Variants in SASH1 observed in about 807,000 individuals in gnomAD.
SASH1 encodes the protein SAM and SH3 domain-containing protein 1.
A neutral mutation model predicts 125.2 loss-of-function variants in SASH1; 44 were observed. The observed-to-expected ratio is 0.35, with a 90% CI of 0.28 to 0.45. The LOEUF is 0.45. SASH1 is among the 20% of genes least tolerant of loss of function. SASH1 has a pLI of 1.00. For synonymous variants in SASH1, 639 were observed against 649.1 expected (o/e 0.98, Z 0.24); for missense variants, 1,426 against 1,614.5 (o/e 0.88, Z 2.00).
the SASH1 span, among the ~76,000 whole-genome samples, chr6:148,246,834 G>A: frequency 2.4e-3 from 362 of 152,264 alleles, 1 homozygote; most frequent in African/African-American, 8.1e-3. Context: ...CGAGTTTACT[G>A]GTATCCAAAG....
intron 1 of SASH1, among the ~76,000 whole-genome samples, chr6:148,385,912 T>C (rs1783347797): frequency 6.6e-6 from 1 of 152,200 alleles, no homozygotes; most frequent in Non-Finnish European, 1.5e-5. Context: ...TCCCCAAGTT[T>C]TCCGAGCCAC....
chr6:148,383,527 A>G (rs1027022679), intron 1 of SASH1, among the ~76,000 whole-genome samples: 1 of 152,180 alleles, frequency 6.6e-6, no homozygotes, highest in Admixed American at 6.5e-5. Flanking sequence ...CCCTTGGGGA[A>G]AACTTTATAG....
upstream of SASH1, among the ~76,000 whole-genome samples, chr6:148,268,835 T>C (rs887313565): frequency 6.6e-6 from 1 of 152,230 alleles, no homozygotes; most frequent in Non-Finnish European, 1.5e-5. Context: ...AATAAATAGA[T>C]GAGTTTCAGA....
the SASH1 span, among the ~76,000 whole-genome samples, chr6:148,245,716 G>A: frequency 2.0e-5 from 3 of 152,090 alleles, no homozygotes; most frequent in South Asian, 2.1e-4. Context: ...GGCCAGGTGC[G>A]GTGGCTCGTG....
chr6:148,344,632 T>C (rs115785900), intron 1 of SASH1, among the ~76,000 whole-genome samples: 187 of 152,244 alleles, frequency 1.2e-3, no homozygotes, highest in African/African-American at 3.5e-3. Context: ...AAATCTAATA[T>C]ATATTTTAGA....
At chr6:148,257,892 G>A in the SASH1 span, among the ~76,000 whole-genome samples, 2 of 152,144 alleles carry the variant, frequency 1.3e-5, no homozygotes, top group African/African-American at 4.8e-5. Context: ...GCCTCCCAAA[G>A]TGCTGGGATT....
At chr6:148,331,189 T>A (rs1780986975) in intron 1 of SASH1, among the ~76,000 whole-genome samples, 1 of 152,228 alleles carries the variant, frequency 6.6e-6, no homozygotes, top group African/African-American at 2.4e-5. Flanking sequence ...GTCTATAATG[T>A]GTTACCAAAT....
intron 2 of SASH1, among the ~76,000 whole-genome samples, chr6:148,429,745 TAAA>T (rs1407042609): frequency 6.8e-6 from 1 of 146,880 alleles, no homozygotes; most frequent in Non-Finnish European, 1.5e-5. Context: ...CCCATCTCTT[TAAA>T]AAAAAACAAA....
intron 1 of SASH1, among the ~76,000 whole-genome samples, chr6:148,301,559 C>A (rs964007092): frequency 3.3e-5 from 5 of 151,572 alleles, no homozygotes; most frequent in Admixed American, 3.3e-4. Flanking sequence ...AGCCACTGTG[C>A]CCAACCTGGG....
Position 148,543,716 on chromosome 6 carries a change from C to A in SASH1, c.2246C>A (p.Ser749Ter). The A allele has an allele frequency of 1.9e-6, 3 of 1,567,022 alleles. No individual in the cohort carries two copies. The South Asian group carries it at 3.6e-5, about 19-fold the overall frequency. The change falls in exon 18 of 20, where the codon TCA (serine) becomes TAA (stop). Residue 749 changes from serine to a stop codon, truncating the protein, a stop_gained. Transcript: ENST00000367467. LOFTEE classifies it high-confidence loss of function. ...TRKASLLSAK[S>*]STEPSLKSFS... ...AAAGCTAGCCTCCTATCTGCCAAGT[C>A]ATCCACCGAGCCCAGCTTGAAGTCT...
the SASH1 span, among the ~76,000 whole-genome samples, chr6:148,225,361 G>GT: frequency 6.6e-6 from 1 of 152,240 alleles, no homozygotes; most frequent in Non-Finnish European, 1.5e-5. Flanking sequence ...AAAAAGTGTG[G>GT]TATATGTACA....
intron 1 of SASH1, among the ~76,000 whole-genome samples, chr6:148,309,708 A>G (rs1780248887): frequency 6.6e-6 from 1 of 151,154 alleles, no homozygotes; most frequent in Non-Finnish European, 1.5e-5. Context: ...TCCTTGTATT[A>G]AAAGACTTAG....
In SASH1 at chr6:148,343,194, C is replaced by T. The variant is rs764725698; in HGVS notation, c.127C>T (p.Arg43Ter). Residue 43 changes from arginine to a stop codon, truncating the protein, a stop_gained, in exon 1 of 20, where the codon CGA (arginine) becomes TGA (stop). Coordinates refer to ENST00000367467, the MANE Select transcript of SASH1 (RefSeq NM_015278.5). LOFTEE classifies it high-confidence loss of function. The part of the protein sequence containing the change: ...PGAGTSEAFS[R>*]LWTDVMGILD... The stretch of plus-strand genomic sequence containing the variant: ...TGCTGGCACATCCGAGGCGTTCTCC[C>T]GACTCTGGACCGACGTGATGGGTAT... 3 of 1,599,414 alleles carry T rather than the reference C, an allele frequency of 1.9e-6. No individual in the cohort carries two copies. The highest frequency in any genetic ancestry group is 1.3e-5 in the African/African-American group (1 of 74,790).
Position 148,387,651 on chromosome 6 carries a change from T to G in SASH1, c.157-2483T>G, listed in dbSNP as rs1464392032. ...TTCTTTCTTTCTTTCTTTCTTTCTT[T>G]CTTTCTTTCTTTCTTTCTTTCTTTC... On this transcript the variant is annotated intron_variant, in intron 1 of 19. Transcript: ENST00000367467. Among the ~76,000 whole-genome samples, 11 of 62,704 alleles carry G rather than the reference T, an allele frequency of 1.8e-4. 1 individual carries two copies. The highest frequency in any genetic ancestry group is 7.4e-4 in the African/African-American group (11 of 14,802). 41.1% of individuals were successfully genotyped at this position (62,704 alleles called of 152,430 possible).
At chr6:148,531,847 G>T (rs1781537918) in intron 13 of SASH1, among the ~76,000 whole-genome samples, 186 bp downstream of exon 13, 1 of 151,012 alleles carries the variant, frequency 6.6e-6, no homozygotes, top group African/African-American at 2.4e-5. Flanking sequence ...ACATGCAGCA[G>T]CAGCAGCCCA....
At position 148,474,263 on chromosome 6, in the gene SASH1, A is replaced by G. The variant is rs1245598890; in HGVS notation, c.627+41A>G. 11 of 1,299,626 alleles carry G rather than the reference A, an allele frequency of 8.5e-6. No individual in the cohort carries two copies. In the Admixed American group the frequency reaches 2.0e-4, roughly 23 times the overall value. The allele number at this position is 1,299,626 out of a possible 1,614,324, so 80.5% of individuals were successfully genotyped here. ...CCTGGTTTATATTTGTGAGGACTTG[A>G]CTTTCTGAAGTGTAAAAATGTTTGC... On this transcript the variant is annotated intron_variant, in intron 7 of 19. Transcript: ENST00000367467.
chr6:148,194,734 C>T, the SASH1 span, among the ~76,000 whole-genome samples: 1 of 152,018 alleles, frequency 6.6e-6, no homozygotes, highest in Admixed American at 6.6e-5. Flanking sequence ...GGTGAAACCC[C>T]GTCTCTACTA....
the SASH1 span, among the ~76,000 whole-genome samples, chr6:148,244,771 AG>A: frequency 6.6e-6 from 1 of 152,166 alleles, no homozygotes; most frequent in Non-Finnish European, 1.5e-5. Context: ...CTCTAAGCAT[AG>A]GCCCCAAGGG....
chr6:148,400,566 A>G lies in SASH1; in HGVS notation c.285+10304A>G, dbSNP rs540809336. 7.2e-5 allele frequency among the ~76,000 whole-genome samples: 11 copies of G among 152,194 alleles called. No individual in the cohort carries two copies. The South Asian group carries it at 2.3e-3, about 32-fold the overall frequency. ...GGAGTTTGAGACCAGCCTGGGTAACATGGCAAAACCCTGTCTCTACAAAAA... is the reference window on the plus strand; with the variant it reads ...GGAGTTTGAGACCAGCCTGGGTAACGTGGCAAAACCCTGTCTCTACAAAAA... On this transcript the variant is annotated intron_variant, in intron 2 of 19. Coordinates refer to ENST00000367467, the MANE Select transcript of SASH1 (RefSeq NM_015278.5).
Sources: gnomAD v4.1 joint callset for allele counts (sites outside exome capture counted in the v4.1 genomes callset) on GRCh38, gnomAD v4.1.1 for gene constraint, MANE v1.5 for transcripts, NCBI Gene and HGNC (gene_info 2026-07-23, HGNC 2026-07-21) for gene names.